The following CUX1 variants were observed in gnomAD, a reference collection of about 807,000 sequenced individuals.
The protein encoded by CUX1 is cut like homeobox 1, also known as protein CASP.
Under a neutral mutation model 158.8 loss-of-function variants are expected in CUX1, and 31 were observed. That is an observed-to-expected ratio of 0.20 (90% CI 0.15 to 0.26). The LOEUF is 0.26. CUX1 is among the 10% of genes least tolerant of loss of function. The probability of loss-of-function intolerance (pLI) is 1.00; values close to 1 mark genes in which losing one functional copy is unlikely to be tolerated. For synonymous variants in CUX1, 879 were observed against 862.1 expected, an observed-to-expected ratio of 1.02 and a Z score of -0.34; for missense variants, 1,589 against 2,014.6, an observed-to-expected ratio of 0.79 and a Z score of 4.04.
At chr7:102,147,423 C>T (rs1435149924) in intron 8 of CUX1, among the ~76,000 whole-genome samples, 1 of 152,176 alleles carries the variant, frequency 6.6e-6, no homozygotes, top group African/African-American at 2.4e-5. Flanking sequence ...GCTGGGCCAC[C>T]TGGTTCTGCA....
chr7:102,104,033 T>C (rs2130983115), intron 5 of CUX1, among the ~76,000 whole-genome samples: 1 of 152,314 alleles, frequency 6.6e-6, no homozygotes, highest in Middle Eastern at 3.4e-3. Flanking sequence ...GATGATATGA[T>C]ATTTTACCAT....
In CUX1 at chr7:102,200,182, C is replaced by T. The variant is rs1345958505; in HGVS notation, c.2062+10C>T. 1.2e-6 allele frequency: 2 copies of T among 1,600,544 alleles called. No individual in the cohort carries two copies. Among genetic ancestry groups the T allele is most frequent in the Non-Finnish European group, 1.7e-6 (2 of 1,172,944 alleles). On this transcript the variant is annotated intron_variant, in intron 17 of 23. Coordinates refer to ENST00000292535, the MANE Select transcript of CUX1 (RefSeq NM_181552.4). ...CAAGTGCAGAAAACTGGTACAGCTT[C>T]CATTTCTTCATCCACTGTCTTCAAA...
chr7:102,057,675 C>T (rs1824319436), intron 3 of CUX1, among the ~76,000 whole-genome samples: 1 of 152,140 alleles, frequency 6.6e-6, no homozygotes, highest in Non-Finnish European at 1.5e-5. Flanking sequence ...TGAATTGCTG[C>T]AACCTCATGA....
rs533466272 is a variant in CUX1 at position 101,938,020 on chromosome 7, T to C, written c.141+21795T>C. On this transcript the variant is annotated intron_variant, in intron 2 of 23. Coordinates refer to ENST00000292535, the MANE Select transcript of CUX1 (RefSeq NM_181552.4). ...GCCAGGAGAAGGGTGAATAATTGAA[T>C]TACAGATGACAGTAAATATTTGGAT... Among the ~76,000 whole-genome samples the C allele has an allele frequency of 2.0e-5, 3 of 152,282 alleles. No homozygotes were observed. In the East Asian group the frequency reaches 5.8e-4, roughly 29 times the overall value.
intron 9 of CUX1, 64 bp downstream of exon 9, chr7:102,158,672 A>T: frequency 6.7e-7 from 1 of 1,495,436 alleles, no homozygotes; most frequent in Non-Finnish European, 9.3e-7. Context: ...GGCATCTCGG[A>T]AGATGCGTCA....
At chr7:101,983,527 C>T (rs1417532722) in intron 2 of CUX1, among the ~76,000 whole-genome samples, 2 of 152,138 alleles carry the variant, frequency 1.3e-5, no homozygotes, top group Admixed American at 1.3e-4. Context: ...TAAAGAAATA[C>T]CCGAGGCTGA....
At chr7:102,011,754 C>T (rs1268124607) in intron 2 of CUX1, among the ~76,000 whole-genome samples, 1 of 152,186 alleles carries the variant, frequency 6.6e-6, no homozygotes, top group Admixed American at 6.6e-5. Flanking sequence ...CAGGGCAGGA[C>T]ACGGAGGTAC....
intron 2 of CUX1, among the ~76,000 whole-genome samples, chr7:101,936,484 G>T (rs1394685514): frequency 2.0e-5 from 3 of 152,186 alleles, no homozygotes; most frequent in African/African-American, 7.2e-5. Flanking sequence ...AGGGAGATGG[G>T]AACCCCGGGG....
chr7:102,028,267 C>CCGACCCAG, intron 3 of CUX1, 122 bp downstream of exon 3: 1 of 976,302 alleles, frequency 1.0e-6, no homozygotes, highest in Non-Finnish European at 1.6e-6. Context: ...CCCGGCTGCT[C>CCGACCCAG]CGACCCAGCG....
At chr7:101,911,031 C>A (rs1418323919) in intron 1 of CUX1, among the ~76,000 whole-genome samples, 1 of 152,260 alleles carries the variant, frequency 6.6e-6, no homozygotes, top group Non-Finnish European at 1.5e-5. Flanking sequence ...TTCCAGCTAT[C>A]CACAGCACCC....
chr7:102,129,007 C>G (rs1360825876), intron 8 of CUX1, among the ~76,000 whole-genome samples: 1 of 151,936 alleles, frequency 6.6e-6, no homozygotes, highest in African/African-American at 2.4e-5. Flanking sequence ...CACATTAGTG[C>G]CTGGTACAGG....
At chr7:102,041,194 G>A (rs1308618019) in intron 3 of CUX1, among the ~76,000 whole-genome samples, 1 of 148,170 alleles carries the variant, frequency 6.7e-6, no homozygotes, top group Non-Finnish European at 1.5e-5. Flanking sequence ...TACTTGGGAG[G>A]TTGAAACAGG....
intron 3 of CUX1, among the ~76,000 whole-genome samples, chr7:102,043,323 CTGTGTGTGTGTGTGTGTGTG>C (rs57276921): frequency 3.6e-5 from 5 of 139,154 alleles, no homozygotes; most frequent in South Asian, 2.6e-4. Context: ...CATTAGCTCA[CTGTGTGTGTGTGTGTGTGTG>C]TGTGTGTGTG....
intron 2 of CUX1, among the ~76,000 whole-genome samples, chr7:101,928,305 G>A (rs1450322262): frequency 2.0e-5 from 3 of 151,634 alleles, no homozygotes. Flanking sequence ...ATGGCTTATT[G>A]TGTTCATGTT....
rs10634900 is a variant in CUX1, at chr7:102,239,739, T to TTTTTCTTTTC, written c.3887+170_3887+179dup. On this transcript the variant is annotated intron_variant, in intron 23 of 23. Transcript: ENST00000292535. ...CGTTCCTTGGTCCCTTAGGGTTTTT[T>TTTTTCTTTTC]TTTTCTTTTCTTTTCTTTTCTTTTG... Among the ~76,000 whole-genome samples the TTTTTCTTTTC allele has an allele frequency of 1.2e-3, 184 of 149,104 alleles. 1 individual carries two copies. The highest frequency in any genetic ancestry group is 2.3e-3 in the Admixed American group (34 of 14,928).
chr7:102,229,364 G>A (rs1432845296), intron 21 of CUX1, among the ~76,000 whole-genome samples: 1 of 147,894 alleles, frequency 6.8e-6, no homozygotes, highest in East Asian at 2.0e-4. Flanking sequence ...GTGCAGTGGC[G>A]CAACCTCAGC....
At chr7:102,101,856 G>A (rs1378845681) in intron 5 of CUX1, among the ~76,000 whole-genome samples, 1 of 151,938 alleles carries the variant, frequency 6.6e-6, no homozygotes, top group Non-Finnish European at 1.5e-5. Context: ...AGGTTGCAGT[G>A]GGCCGAGATT....
chr7:102,252,665 T>A lies in CUX1; in HGVS notation c.*3623T>A. ...CCCTTGTGATAGCCGAGATGGCAGG[T>A]GTGTGAGTTCTGTCCTAGACCTGTG... is the stretch of plus-strand genomic sequence containing the variant. On this transcript the variant is annotated 3_prime_UTR_variant, in exon 24 of 24. Coordinates refer to ENST00000292535, the MANE Select transcript of CUX1 (RefSeq NM_181552.4). 1 of 985,384 alleles carries A rather than the reference T, an allele frequency of 1.0e-6. No individual in the cohort carries two copies. Among genetic ancestry groups the A allele is most frequent in the Non-Finnish European group, 1.2e-6 (1 of 829,916 alleles). The allele number at this position is 985,384 out of a possible 1,614,324, so 61.0% of individuals were successfully genotyped here.
chr7:102,275,095 G>A (rs536317535), intron 16 of CUX1: 35 of 575,978 alleles, frequency 6.1e-5, no homozygotes, highest in Admixed American at 5.4e-4. Context: ...CCCCTTCCCC[G>A]ACCTGCCCAG....
Sources: gnomAD v4.1 joint callset for allele counts (sites outside exome capture counted in the v4.1 genomes callset) on GRCh38, gnomAD v4.1.1 for gene constraint, MANE v1.5 for transcripts, NCBI Gene and HGNC (gene_info 2026-07-23, HGNC 2026-07-21) for gene names.